The following RGMA variants were observed in gnomAD, a reference collection of about 807,000 sequenced individuals.
RGMA encodes repulsive guidance molecule A.
In RGMA, 10 loss-of-function variants were observed where a neutral mutation model predicts 23.2. The ratio of observed to expected loss-of-function variants is 0.43; its 90% CI spans 0.27 to 0.73. The LOEUF (loss-of-function observed/expected upper bound fraction) is 0.73. RGMA is among the 30% of genes least tolerant of loss of function. The probability of loss-of-function intolerance (pLI) is 0.20; values close to 1 mark genes in which losing one functional copy is unlikely to be tolerated. For missense variants in RGMA, 547 were observed against 630.5 expected, an observed-to-expected ratio of 0.87 and a Z score of 1.42; for synonymous variants, 308 against 279.3, an observed-to-expected ratio of 1.10 and a Z score of -1.03.
At chr15:93,074,981 C>A (rs1262079559) in intron 1 of RGMA, among the ~76,000 whole-genome samples, 2 of 152,216 alleles carry the variant, frequency 1.3e-5, no homozygotes, top group African/African-American at 4.8e-5. Context: ...TGCAGCATGT[C>A]CAGGTTGGAG....
Position 93,035,576 on chromosome 15 carries a change from G to A in RGMA, c.*9422C>T, listed in dbSNP as rs1179816506. 6.6e-6 allele frequency: 1 copy of A among 152,288 alleles called. No individual in the cohort carries two copies. The highest frequency in any genetic ancestry group is 2.4e-5 in the African/African-American group (1 of 41,442). The allele number at this position is 152,288 out of a possible 1,614,324, so 9.4% of individuals were successfully genotyped here. On this transcript the variant is annotated 3_prime_UTR_variant, in exon 4 of 4. Coordinates refer to ENST00000329082, the MANE Select transcript of RGMA (RefSeq NM_020211.3). ...CAGACAGGAAGGGCAATCAGATGTG[G>A]AGGGCGGAGGATTCCAGCAAGACCA...
At chr15:93,071,346 G>A (rs1316426185) in intron 2 of RGMA, among the ~76,000 whole-genome samples, 1 of 152,248 alleles carries the variant, frequency 6.6e-6, no homozygotes, top group East Asian at 1.9e-4. Flanking sequence ...AGTAGGTGGA[G>A]AAACTGCCTT....
At chr15:93,069,277 T>C (rs951508480) in intron 2 of RGMA, among the ~76,000 whole-genome samples, 2 of 152,114 alleles carry the variant, frequency 1.3e-5, no homozygotes, top group Non-Finnish European at 2.9e-5. Context: ...GCCCAGCTAA[T>C]TTTTGTATTT....
At chr15:93,080,536 C>T (rs912653469) in intron 1 of RGMA, among the ~76,000 whole-genome samples, 3 of 152,212 alleles carry the variant, frequency 2.0e-5, no homozygotes, top group African/African-American at 7.2e-5. Context: ...GAGATCACAG[C>T]TGCTCCCCAG....
chr15:93,065,816 A>G, intron 2 of RGMA: 1 of 845,886 alleles, frequency 1.2e-6, no homozygotes, highest in Middle Eastern at 2.6e-4. Flanking sequence ...GAATTGAGGT[A>G]GGGGAACCCG....
At chr15:93,071,617 G>C (rs1023805516) in intron 2 of RGMA, among the ~76,000 whole-genome samples, 1 of 152,216 alleles carries the variant, frequency 6.6e-6, no homozygotes, top group Non-Finnish European at 1.5e-5. Context: ...TGGGACTAGG[G>C]GGTAAACTGA....
chr15:93,087,471 A>AAAAAAC (rs1344832217), intron 1 of RGMA, among the ~76,000 whole-genome samples: 4 of 150,508 alleles, frequency 2.7e-5, no homozygotes, highest in Non-Finnish European at 5.9e-5. Flanking sequence ...GTGCAAAAAA[A>AAAAAAC]AAAAAAAAAA....
Position 93,084,855 on chromosome 15 carries a change from T to C in RGMA, c.14+4064A>G, listed in dbSNP as rs181482583. Among the ~76,000 whole-genome samples, 371 of 152,204 alleles carry C rather than the reference T, an allele frequency of 2.4e-3. 2 individuals carry two copies. The highest frequency in any genetic ancestry group is 8.6e-3 in the African/African-American group (357 of 41,520). On this transcript the variant is annotated intron_variant, in intron 1 of 3. Transcript: ENST00000329082. ...AGTTGAGAAAAGTATAAAAGTCTAA[T>C]AGGGGAGTGAATCCTAAAGAAGAGT... is the stretch of plus-strand genomic sequence containing the variant.
At chr15:93,077,802 G>A (rs1895496744) in intron 1 of RGMA, among the ~76,000 whole-genome samples, 1 of 152,172 alleles carries the variant, frequency 6.6e-6, no homozygotes, top group African/African-American at 2.4e-5. Context: ...CCGCCTCCTG[G>A]GTTCAAGCAA....
chr15:93,055,029 A>G (rs899739164), intron 2 of RGMA, among the ~76,000 whole-genome samples: 4 of 152,178 alleles, frequency 2.6e-5, no homozygotes, highest in African/African-American at 9.7e-5. Context: ...CCCAGCACAC[A>G]GGAACTGACT....
chr15:93,074,733 G>A (rs1243523593), intron 1 of RGMA, among the ~76,000 whole-genome samples: 1 of 152,160 alleles, frequency 6.6e-6, no homozygotes, highest in African/African-American at 2.4e-5. Flanking sequence ...CAGTCCTGGG[G>A]CCCGACCCAA....
intron 2 of RGMA, among the ~76,000 whole-genome samples, chr15:93,071,844 C>A (rs1895335018): frequency 6.6e-6 from 1 of 152,128 alleles, no homozygotes; most frequent in Admixed American, 6.5e-5. Context: ...GGCTGTGGTG[C>A]GAAACAAGAT....
At chr15:93,054,306 C>G (rs1472857054) in intron 2 of RGMA, among the ~76,000 whole-genome samples, 1 of 151,740 alleles carries the variant, frequency 6.6e-6, no homozygotes, top group Non-Finnish European at 1.5e-5. Context: ...GAAGTATACT[C>G]ACTTAAAGGG....
Position 93,036,006 on chromosome 15 carries a change from GC to G in RGMA, c.*8991del, listed in dbSNP as rs2054656517. ...CCACCCGCATCCCCTTCCCTGATGGGCTGGTCACCGTGAAGGGCCCCCTCCC... is the reference window on the plus strand; with the variant it reads ...CCACCCGCATCCCCTTCCCTGATGGGTGGTCACCGTGAAGGGCCCCCTCCC... On this transcript the variant is annotated 3_prime_UTR_variant, in exon 4 of 4. Transcript: ENST00000329082. 1 of 152,210 alleles carries G rather than the reference GC, an allele frequency of 6.6e-6. No homozygotes were observed. The highest frequency in any genetic ancestry group is 2.4e-5 in the African/African-American group (1 of 41,420). The allele number at this position is 152,210 out of a possible 1,614,324, so 9.4% of individuals were successfully genotyped here.
rs143887188 is a variant in RGMA at position 93,054,684 on chromosome 15, G to A, written c.131-2177C>T. ...CCCAGTCTTGGGTATGTCTTTATCAGCAGTGTGAAAACAGACTAATACACC... is the reference window on the plus strand; with the variant it reads ...CCCAGTCTTGGGTATGTCTTTATCAACAGTGTGAAAACAGACTAATACACC... On this transcript the variant is annotated intron_variant, in intron 2 of 3. Transcript: ENST00000329082. Among the ~76,000 whole-genome samples, 395 of 152,310 alleles carry A rather than the reference G, an allele frequency of 2.6e-3. 2 individuals are homozygous for A. Among genetic ancestry groups the A allele is most frequent in the African/African-American group, 9.0e-3 (376 of 41,558 alleles).
At position 93,052,257 on chromosome 15, in the gene RGMA, G is replaced by T; in HGVS notation, c.381C>A (p.Arg127=). ...KDGPTSQPRL[R]TLPPAGDSQE... ...GGCTGTCTCCGGCCGGTGGGAGCGT[G>T]CGCAGGCGTGGCTGCGAGGTGGGGC... is the stretch of plus-strand genomic sequence containing the variant. The change falls in exon 3 of 4, where the codon CGC becomes CGA. Residue 127 remains arginine (R), a synonymous_variant. Coordinates refer to ENST00000329082, the MANE Select transcript of RGMA (RefSeq NM_020211.3). The T allele has an allele frequency of 6.2e-7, 1 of 1,605,152 alleles. No individual in the cohort carries two copies. Among genetic ancestry groups the T allele is most frequent in the Non-Finnish European group, 8.5e-7 (1 of 1,175,038 alleles).
chr15:93,049,292 A>G (rs1463877443), intron 3 of RGMA, among the ~76,000 whole-genome samples: 2 of 152,192 alleles, frequency 1.3e-5, no homozygotes, highest in Non-Finnish European at 1.5e-5. Flanking sequence ...GAAGATCCCT[A>G]TGCTTCAGGG....
At chr15:93,066,426 C>T (rs1416239333) in intron 2 of RGMA, 7 of 642,774 alleles carry the variant, frequency 1.1e-5, no homozygotes, top group East Asian at 7.3e-5. Flanking sequence ...CCAAGGCCGC[C>T]GTCGTTGCCA....
At chr15:93,060,171 A>C (rs1489542661) in intron 2 of RGMA, among the ~76,000 whole-genome samples, 1 of 151,740 alleles carries the variant, frequency 6.6e-6, no homozygotes, top group African/African-American at 2.4e-5. Flanking sequence ...TTCCATTTCT[A>C]CTCCAGCCAC....
Sources: gnomAD v4.1 joint callset for allele counts (sites outside exome capture counted in the v4.1 genomes callset) on GRCh38, gnomAD v4.1.1 for gene constraint, MANE v1.5 for transcripts, NCBI Gene and HGNC (gene_info 2026-07-23, HGNC 2026-07-21) for gene names.